SHTN1: variants seen among roughly 807,000 people sequenced by gnomAD.
SHTN1 encodes shootin-1.
SHTN1 carries 42 observed loss-of-function variants against 83.1 expected under a neutral mutation model. The observed-to-expected ratio is 0.51, with a 90% CI of 0.39 to 0.65. SHTN1 has a LOEUF of 0.65. SHTN1 is among the 30% of genes least tolerant of loss of function. The pLI is 0.00. For synonymous variants in SHTN1, 224 were observed against 247.7 expected, an observed-to-expected ratio of 0.90 and a Z score of 0.90; for missense variants, 622 against 737.8, an observed-to-expected ratio of 0.84 and a Z score of 1.82.
intron 10 of SHTN1, 84 bp from the exon 11 acceptor site, chr10:116,927,975 T>C (rs1848808273): frequency 6.7e-6 from 10 of 1,483,700 alleles, no homozygotes; most frequent in Admixed American, 2.1e-5. Context: ...AACATAACCT[T>C]TCTCAAAAGT....
intron 1 of SHTN1, among the ~76,000 whole-genome samples, chr10:117,119,723 C>T (rs1042851331): frequency 6.6e-6 from 1 of 152,134 alleles, no homozygotes; most frequent in East Asian, 1.9e-4. Flanking sequence ...GATATCTGCA[C>T]TCCCATGTTT....
Position 116,927,091 on chromosome 10 carries a change from C to T in SHTN1, c.1112+701G>A, listed in dbSNP as rs549104374. Among the ~76,000 whole-genome samples the T allele has an allele frequency of 2.5e-4, 38 of 152,274 alleles. No individual in the cohort carries two copies. In the South Asian group the frequency reaches 6.8e-3, roughly 27 times the overall value. ...AGGTTAGGGATAAAAGTAATTAATA[C>T]TTCTAGTTTAATTACTAGTTTATAA... On this transcript the variant is annotated intron_variant, in intron 11 of 16. Transcript: ENST00000355371.
chr10:117,006,593 G>T (rs1454481355), upstream of SHTN1, among the ~76,000 whole-genome samples: 6 of 151,242 alleles, frequency 4.0e-5, no homozygotes, highest in Non-Finnish European at 7.4e-5. Context: ...AAAATTACAG[G>T]TCTGTGAGAA....
At chr10:116,899,546 T>TGTGTGTGTGTGTGTGTGA (rs1311755308) in intron 16 of SHTN1, among the ~76,000 whole-genome samples, 45 of 123,888 alleles carry the variant, frequency 3.6e-4, no homozygotes, top group African/African-American at 1.2e-3. Context: ...TGTGTGTGTG[T>TGTGTGTGTGTGTGTGTGA]GAGAGAGTGC....
chr10:117,007,672 T>G (rs928027711), upstream of SHTN1, among the ~76,000 whole-genome samples: 2 of 151,732 alleles, frequency 1.3e-5, no homozygotes. Flanking sequence ...GTTCTCCCAT[T>G]ACACTATTGT....
chr10:116,927,977 C>A, intron 10 of SHTN1, 86 bp from the exon 11 acceptor site: 1 of 1,479,032 alleles, frequency 6.8e-7, no homozygotes, highest in Admixed American at 2.1e-5. Flanking sequence ...CATAACCTTT[C>A]TCAAAAGTAA....
At chr10:116,931,538 C>T (rs539891958) in intron 9 of SHTN1, among the ~76,000 whole-genome samples, 1 of 152,286 alleles carries the variant, frequency 6.6e-6, no homozygotes, top group African/African-American at 2.4e-5. Flanking sequence ...CGTGAGCCAC[C>T]ACACCTGGCC....
upstream of SHTN1, among the ~76,000 whole-genome samples, chr10:117,008,053 G>C (rs10886021): frequency 0.6 from 90,351 of 151,744 alleles, 29,507 homozygotes; most frequent in Middle Eastern, 0.76. Flanking sequence ...GCATCACGTT[G>C]GAGTTACTAT....
chr10:116,994,590 A>G (rs1442143926), intron 1 of SHTN1, among the ~76,000 whole-genome samples: 1 of 152,066 alleles, frequency 6.6e-6, no homozygotes, highest in African/African-American at 2.4e-5. Context: ...CATTGTCTTT[A>G]TTGGGTCTTT....
chr10:116,914,750 G>A (rs746514162), intron 13 of SHTN1, among the ~76,000 whole-genome samples: 1 of 152,150 alleles, frequency 6.6e-6, no homozygotes, highest in African/African-American at 2.4e-5. Flanking sequence ...AACAAAGGCA[G>A]GGGAGAGATC....
At chr10:116,985,265 A>T (rs1851181585) in intron 1 of SHTN1, among the ~76,000 whole-genome samples, 1 of 152,216 alleles carries the variant, frequency 6.6e-6, no homozygotes, top group Non-Finnish European at 1.5e-5. Flanking sequence ...CTGTGAGGCA[A>T]AACAATCCAA....
chr10:117,052,770 A>G (rs1852765737), intron 1 of SHTN1, among the ~76,000 whole-genome samples: 1 of 151,826 alleles, frequency 6.6e-6, no homozygotes, highest in Non-Finnish European at 1.5e-5. Flanking sequence ...CTCTAATCCC[A>G]GCACTTTGGG....
rs1850487370 is a variant in SHTN1, at chr10:116,968,661, A to G, written c.163T>C (p.Phe55Leu). The G allele has an allele frequency of 6.2e-7, 1 of 1,610,654 alleles. No individual in the cohort carries two copies. The highest frequency in any genetic ancestry group is 2.2e-5 in the East Asian group (1 of 44,816). The change falls in exon 3 of 17, where the codon TTT becomes CTT. Residue 55 changes from phenylalanine to leucine, a missense_variant. By Grantham distance (22) the Phe-to-Leu change is conservative. This residue lies in a region of SHTN1 where 383 missense variants were observed against 455.8 expected (regional missense o/e 0.84). Transcript: ENST00000355371. Reference sequence around the variant, plus strand: ...TGAAATGCTTACGTACTTTTCTGAAATTCTTCCAGTTTTTTAACGGCTTCA... The same window carrying G: ...TGAAATGCTTACGTACTTTTCTGAAGTTCTTCCAGTTTTTTAACGGCTTCA... ...RDEAVKKLEE[F>L]QKISHMVIEE...
chr10:117,003,292 A>C (rs1851885249), intron 1 of SHTN1, among the ~76,000 whole-genome samples: 1 of 150,424 alleles, frequency 6.6e-6, no homozygotes, highest in Middle Eastern at 3.4e-3. Flanking sequence ...AAAACACTTG[A>C]GAAACTTCAG....
At chr10:117,112,295 A>G (rs1177272701) in intron 1 of SHTN1, among the ~76,000 whole-genome samples, 2 of 152,182 alleles carry the variant, frequency 1.3e-5, no homozygotes, top group Admixed American at 1.3e-4. Context: ...AGTCCTGGTC[A>G]TCAGAAGCAG....
chr10:117,079,023 A>AT (rs57691360), intron 1 of SHTN1, among the ~76,000 whole-genome samples: 110,503 of 151,520 alleles, frequency 0.73, 41,959 homozygotes, highest in Middle Eastern at 0.85. Flanking sequence ...AGATTTGTGA[A>AT]TTTTTTTTAT....
chr10:116,986,349 G>A (rs1851217360), intron 1 of SHTN1, among the ~76,000 whole-genome samples: 1 of 152,198 alleles, frequency 6.6e-6, no homozygotes. Flanking sequence ...TAATTTATTA[G>A]AGAAGCAGCC....
At chr10:116,970,447 G>A (rs1850573832) in intron 2 of SHTN1, among the ~76,000 whole-genome samples, 1 of 152,178 alleles carries the variant, frequency 6.6e-6, no homozygotes, top group East Asian at 1.9e-4. Flanking sequence ...CGGGCACGGT[G>A]GCTCAAGTCG....
At chr10:116,957,382 T>G (rs763722503) in intron 4 of SHTN1, among the ~76,000 whole-genome samples, 25 of 150,972 alleles carry the variant, frequency 1.7e-4, no homozygotes, top group Admixed American at 2.7e-4. Context: ...GCCTCCCGAG[T>G]AACTGCGATT....
Sources: gnomAD v4.1 joint callset for allele counts (sites outside exome capture counted in the v4.1 genomes callset) on GRCh38, gnomAD v4.1.1 for gene constraint, gnomAD v4.1.1 regional missense constraint, MANE v1.5 for transcripts, NCBI Gene and HGNC (gene_info 2026-07-23, HGNC 2026-07-21) for gene names.